Variants in FHL5 observed in about 807,000 individuals in gnomAD.
FHL5 encodes the protein four and a half LIM domains protein 5.
A neutral mutation model predicts 32.0 loss-of-function variants in FHL5; 33 were observed. The observed-to-expected ratio is 1.03, with a 90% CI of 0.78 to 1.38. FHL5 has a LOEUF of 1.38. Ranked by LOEUF, FHL5 falls within the 40% of genes most tolerant of loss-of-function variation. The pLI, the probability that FHL5 is intolerant of heterozygous loss-of-function variation, is 0.00. For synonymous variants in FHL5, 114 were observed against 113.6 expected, an observed-to-expected ratio of 1.00 and a Z score of -0.02; for missense variants, 336 against 343.9, an observed-to-expected ratio of 0.98 and a Z score of 0.18.
intron 1 of FHL5, among the ~76,000 whole-genome samples, chr6:96,574,428 G>T (rs193236677): frequency 6.6e-6 from 1 of 152,302 alleles, no homozygotes; most frequent in African/African-American, 2.4e-5. Flanking sequence ...TAATGAATGA[G>T]TGTGGCTGTG....
intron 4 of FHL5, among the ~76,000 whole-genome samples, chr6:96,610,181 T>C (rs186302917): frequency 6.6e-6 from 1 of 152,236 alleles, no homozygotes; most frequent in African/African-American, 2.4e-5. Flanking sequence ...TTAAGAAAAT[T>C]CAGAGAAGTA....
chr6:96,572,969 C>A (rs1582457920), intron 1 of FHL5, among the ~76,000 whole-genome samples: 1 of 152,190 alleles, frequency 6.6e-6, no homozygotes, highest in African/African-American at 2.4e-5. Flanking sequence ...GAGGCATAAG[C>A]ACTAGGGGCT....
rs969113665 is a variant in FHL5, at chr6:96,580,139, A to G, written c.-13+16784A>G. Among the ~76,000 whole-genome samples the G allele has an allele frequency of 3.9e-5, 6 of 152,180 alleles. 1 individual carries two copies. Among genetic ancestry groups the G allele is most frequent in the Non-Finnish European group, 8.8e-5 (6 of 68,022 alleles). Reference sequence around the variant, plus strand: ...CCACACCCTTACCTAGACTGCTTGTAGTTACTATGGAATCATAATGATGTC... The same window carrying G: ...CCACACCCTTACCTAGACTGCTTGTGGTTACTATGGAATCATAATGATGTC... On this transcript the variant is annotated intron_variant, in intron 1 of 5. Transcript: ENST00000450218.
At chr6:96,609,775 T>C (rs1771359859) in intron 4 of FHL5, among the ~76,000 whole-genome samples, 1 of 152,238 alleles carries the variant, frequency 6.6e-6, no homozygotes, top group Admixed American at 6.5e-5. Flanking sequence ...CTGATGGTGA[T>C]GCACACAGGC....
chr6:96,604,719 A>G (rs1431747719), intron 2 of FHL5, 31 bp from the exon 3 acceptor site: 3 of 1,572,636 alleles, frequency 1.9e-6, no homozygotes, highest in African/African-American at 1.4e-5. Flanking sequence ...TCACAACCAC[A>G]TTTAATTAAC....
At chr6:96,610,467 T>G (rs754052879) in intron 4 of FHL5, 105 bp from the exon 5 acceptor site, 25 of 821,994 alleles carry the variant, frequency 3.0e-5, no homozygotes, top group Non-Finnish European at 4.7e-5. Flanking sequence ...TTTTTTCTTT[T>G]TGCTTCCTTT....
At position 96,604,925 on chromosome 6, in the gene FHL5, G is replaced by A. The variant is rs766106373; in HGVS notation, c.334+1G>A. On this transcript the variant is annotated splice_donor_variant, in intron 3 of 5. Transcript: ENST00000450218. LOFTEE classifies it high-confidence loss of function. ...CACTGCAAGAGGACCATCATGCCTGGTAGGGTCTCAAGGGGGCTCCTGTCT... is the reference window on the plus strand; with the variant it reads ...CACTGCAAGAGGACCATCATGCCTGATAGGGTCTCAAGGGGGCTCCTGTCT... 10 of 1,598,280 alleles carry A rather than the reference G, an allele frequency of 6.3e-6. No homozygotes were observed. The highest frequency in any genetic ancestry group is 1.7e-4 in the Middle Eastern group (1 of 5,996).
chr6:96,596,990 A>C (rs1771049430), intron 1 of FHL5, among the ~76,000 whole-genome samples: 3 of 151,972 alleles, frequency 2.0e-5, no homozygotes, highest in Admixed American at 6.6e-5. Context: ...GCTCCCACAC[A>C]TGATCTCAAT....
chr6:96,585,914 G>A (rs1770787976), intron 1 of FHL5, among the ~76,000 whole-genome samples: 1 of 152,148 alleles, frequency 6.6e-6, no homozygotes, highest in Admixed American at 6.5e-5. Context: ...GTATTTATTT[G>A]CACAATGCTG....
rs2127977183 is a variant in FHL5, at chr6:96,616,383, A to G, written c.*611A>G. 1 of 152,314 alleles carries G rather than the reference A, an allele frequency of 6.6e-6. No individual in the cohort carries two copies. The highest frequency in any genetic ancestry group is 1.9e-4 in the East Asian group (1 of 5,186). The allele number at this position is 152,314 out of a possible 1,614,324, so 9.4% of individuals were successfully genotyped here. A position where few individuals can be genotyped will look rare whatever the true frequency, so the allele number is the denominator to read the frequency against. On this transcript the variant is annotated 3_prime_UTR_variant, in exon 6 of 6. Coordinates refer to ENST00000450218, the MANE Select transcript of FHL5 (RefSeq NM_001322466.2). ...CAGCTTGCTAGTTCTGTGTTTACTC[A>G]ATGGAATATGAGAACTGAGGACATT...
intron 1 of FHL5, among the ~76,000 whole-genome samples, chr6:96,575,345 C>T (rs1018509919): frequency 3.3e-5 from 5 of 152,146 alleles, no homozygotes; most frequent in Admixed American, 1.3e-4. Context: ...ACATAAATCA[C>T]GTATGGATCA....
intron 1 of FHL5, among the ~76,000 whole-genome samples, chr6:96,578,718 T>G (rs1770637068): frequency 6.6e-6 from 1 of 152,114 alleles, no homozygotes; most frequent in Admixed American, 6.5e-5. Context: ...GGCATGCGCC[T>G]GTAGTCCCAG....
chr6:96,595,632 T>C (rs1312383990), intron 1 of FHL5, among the ~76,000 whole-genome samples: 1 of 151,904 alleles, frequency 6.6e-6, no homozygotes, highest in Non-Finnish European at 1.5e-5. Flanking sequence ...TATCTCTTTT[T>C]CTTTCTTCAT....
At chr6:96,565,552 G>A (rs990592333) in intron 1 of FHL5, among the ~76,000 whole-genome samples, 6 of 152,194 alleles carry the variant, frequency 3.9e-5, no homozygotes, top group East Asian at 1.9e-4. Context: ...AGCTTTGAGC[G>A]ATTCCTTTGC....
chr6:96,570,972 A>AT (rs999853746), intron 1 of FHL5, among the ~76,000 whole-genome samples: 4 of 151,498 alleles, frequency 2.6e-5, no homozygotes, highest in African/African-American at 9.7e-5. Flanking sequence ...ATTATTTTAC[A>AT]TTTTTTTGGC....
upstream of FHL5, among the ~76,000 whole-genome samples, chr6:96,562,937 T>C (rs1339249254): frequency 6.6e-6 from 1 of 152,184 alleles, no homozygotes; most frequent in Non-Finnish European, 1.5e-5. Flanking sequence ...ATGCCCTTAA[T>C]TTAGCCTAGT....
At chr6:96,565,624 TCAGGTTGTCTCCTCC>T in intron 1 of FHL5, among the ~76,000 whole-genome samples, 1 of 152,134 alleles carries the variant, frequency 6.6e-6, no homozygotes, top group Non-Finnish European at 1.5e-5. Flanking sequence ...TTTGATATAT[TCAGGTTGTCTCCTCC>T]CATTTAAAAA....
intron 1 of FHL5, among the ~76,000 whole-genome samples, chr6:96,577,746 G>A (rs1770612602): frequency 6.6e-6 from 1 of 152,132 alleles, no homozygotes. Context: ...AAGGATAGAT[G>A]CAAATAAGGA....
intron 3 of FHL5, among the ~76,000 whole-genome samples, chr6:96,605,563 C>T (rs1771258575): frequency 6.6e-6 from 1 of 152,132 alleles, no homozygotes; most frequent in African/African-American, 2.4e-5. Context: ...TTTTAATACC[C>T]TTGTAATGAT....
Sources: allele counts gnomAD v4.1 joint callset (sites outside exome capture counted in the v4.1 genomes callset), GRCh38; gene constraint gnomAD v4.1.1; transcripts MANE v1.5; gene names NCBI Gene and HGNC (gene_info 2026-07-23, HGNC 2026-07-21).